RALGAPA2: variants seen among roughly 807,000 people sequenced by gnomAD.
RALGAPA2 encodes the protein ral GTPase-activating protein subunit alpha-2.
In RALGAPA2, 139 loss-of-function variants were observed where a neutral mutation model predicts 230.4. The ratio of observed to expected loss-of-function variants is 0.60; its 90% confidence interval spans 0.53 to 0.69. The LOEUF is 0.69. Ranked by LOEUF, RALGAPA2 falls within the 30% of genes least tolerant of loss-of-function variation. The pLI is 0.00. For synonymous variants in RALGAPA2, 847 were observed against 837.8 expected (o/e 1.01, Z -0.19); for missense variants, 2,163 against 2,276.0 (o/e 0.95, Z 1.01).
At chr20:20,711,022 GCCACACTTCACTCT>G (rs1305229708) in intron 1 of RALGAPA2, among the ~76,000 whole-genome samples, 3 of 152,120 alleles carry the variant, frequency 2.0e-5, no homozygotes, top group Non-Finnish European at 2.9e-5. Flanking sequence ...TACCAAGAAC[GCCACACTTCACTCT>G]CCACACTTCA....
chr20:20,450,577 G>T (rs1336885530), intron 37 of RALGAPA2, among the ~76,000 whole-genome samples: 1 of 152,236 alleles, frequency 6.6e-6, no homozygotes, highest in Admixed American at 6.5e-5. Context: ...ATAGAGTCAG[G>T]TTGGTCTGGG....
intron 36 of RALGAPA2, among the ~76,000 whole-genome samples, chr20:20,482,033 T>C (rs1025519729): frequency 3.0e-4 from 46 of 152,254 alleles, no homozygotes; most frequent in South Asian, 1.2e-3. Flanking sequence ...ACAGAATTTT[T>C]ATTTTCCTAC....
chr20:20,579,350 G>A (rs747193642), intron 20 of RALGAPA2, among the ~76,000 whole-genome samples: 13 of 152,130 alleles, frequency 8.5e-5, no homozygotes, highest in Non-Finnish European at 1.8e-4. Context: ...AATCAGCTGT[G>A]CACATAGCAG....
chr20:20,692,698 C>CT (rs1194841143), intron 1 of RALGAPA2, among the ~76,000 whole-genome samples: 1 of 152,138 alleles, frequency 6.6e-6, no homozygotes, highest in Non-Finnish European at 1.5e-5. Flanking sequence ...AGAAGTGTGC[C>CT]TTTTTTTCCT....
rs1569418180 is a variant in RALGAPA2 at position 20,458,840 on chromosome 20, C to CTATATATATATAGACCTA, written c.5495+13971_5495+13988dup. ...TATAGACCTATATATATATATAGACCTATATATATATAGACCTATATATAT... is the reference window on the plus strand; with the variant it reads ...TATAGACCTATATATATATATAGACCTATATATATATAGACCTATATATATATATAGACCTATATATAT... On this transcript the variant is annotated intron_variant, in intron 37 of 39. Coordinates refer to ENST00000202677, the MANE Select transcript of RALGAPA2 (RefSeq NM_020343.4). Among the ~76,000 whole-genome samples, 116 of 38,960 alleles carry CTATATATATATAGACCTA rather than the reference C, an allele frequency of 3.0e-3. 3 individuals are homozygous for CTATATATATATAGACCTA. The highest frequency in any genetic ancestry group is 8.8e-3 in the African/African-American group (111 of 12,664). The allele number at this position is 38,960 out of a possible 152,430, so 25.6% of individuals were successfully genotyped here.
intron 39 of RALGAPA2, among the ~76,000 whole-genome samples, chr20:20,395,945 T>C (rs528297173): frequency 1.3e-5 from 2 of 152,332 alleles, no homozygotes; most frequent in South Asian, 4.1e-4. Context: ...GCCGTGATCC[T>C]TGTCATTACC....
intron 16 of RALGAPA2, among the ~76,000 whole-genome samples, chr20:20,599,980 A>T (rs1395242917): frequency 2.0e-5 from 3 of 151,440 alleles, no homozygotes; most frequent in African/African-American, 7.3e-5. Context: ...CTCAAAAAAA[A>T]TAAAAAATAA....
At chr20:20,480,359 C>T (rs2061746834) in intron 36 of RALGAPA2, among the ~76,000 whole-genome samples, 1 of 152,236 alleles carries the variant, frequency 6.6e-6, no homozygotes, top group Non-Finnish European at 1.5e-5. Flanking sequence ...CCTACCCACA[C>T]AGCCTCCTGC....
At chr20:20,608,464 T>C (rs1219358060) in intron 14 of RALGAPA2, among the ~76,000 whole-genome samples, 2 of 152,106 alleles carry the variant, frequency 1.3e-5, no homozygotes, top group Non-Finnish European at 2.9e-5. Context: ...TAAAGAAAAT[T>C]TGGTGGCCCA....
intron 23 of RALGAPA2, among the ~76,000 whole-genome samples, chr20:20,555,072 C>T (rs2064043292): frequency 6.6e-6 from 1 of 152,210 alleles, no homozygotes; most frequent in Non-Finnish European, 1.5e-5. Flanking sequence ...ATTTAGGACA[C>T]AGAACCATTT....
At chr20:20,479,562 T>C (rs2061727536) in intron 36 of RALGAPA2, among the ~76,000 whole-genome samples, 1 of 152,180 alleles carries the variant, frequency 6.6e-6, no homozygotes. Flanking sequence ...TAAACAAGTG[T>C]TTAATAAAAT....
chr20:20,547,678 GA>G (rs2063810698), intron 23 of RALGAPA2, among the ~76,000 whole-genome samples: 1 of 152,158 alleles, frequency 6.6e-6, no homozygotes, highest in African/African-American at 2.4e-5. Flanking sequence ...GAATTAGTAA[GA>G]AAACCACAAA....
chr20:20,579,019 G>C (rs543015535), intron 20 of RALGAPA2, among the ~76,000 whole-genome samples: 1 of 152,152 alleles, frequency 6.6e-6, no homozygotes, highest in South Asian at 2.1e-4. Context: ...AAATATAGGC[G>C]ATGACAGAGA....
chr20:20,569,704 T>C (rs1277898243), intron 23 of RALGAPA2, among the ~76,000 whole-genome samples: 3 of 152,166 alleles, frequency 2.0e-5, no homozygotes, highest in African/African-American at 7.2e-5. Context: ...TCATCTCATT[T>C]TACTGTTTCA....
intron 3 of RALGAPA2, among the ~76,000 whole-genome samples, chr20:20,654,282 C>T (rs973587478): frequency 3.9e-5 from 6 of 152,118 alleles, no homozygotes; most frequent in African/African-American, 1.2e-4. Context: ...TCTGCCTCCA[C>T]GGTTCAAGTG....
intron 37 of RALGAPA2, among the ~76,000 whole-genome samples, chr20:20,450,217 A>G (rs569188960): frequency 6.6e-6 from 1 of 152,348 alleles, no homozygotes; most frequent in East Asian, 1.9e-4. Context: ...ACTAACTAAC[A>G]TCAATTAGAT....
In RALGAPA2 at chr20:20,546,812, TATG is replaced by T; in HGVS notation, c.3174_3176del (p.Ile1059del). 6.3e-7 allele frequency: 1 copy of T among 1,597,908 alleles called. No homozygotes were observed. The highest frequency in any genetic ancestry group is 8.5e-7 in the Non-Finnish European group (1 of 1,175,460). The stretch of plus-strand genomic sequence containing the variant: ...AGAAAAAGCGGGGTGGACAGTGCCT[TATG>T]ATCGTATTTAAGATATCCTAAAAGG... On this transcript the variant is annotated inframe_deletion, in exon 24 of 40. Transcript: ENST00000202677.
chr20:20,457,363 T>C (rs1184506426), intron 37 of RALGAPA2, among the ~76,000 whole-genome samples: 1 of 152,258 alleles, frequency 6.6e-6, no homozygotes, highest in Non-Finnish European at 1.5e-5. Flanking sequence ...GGAAATCTTT[T>C]GTCGCACACA....
At chr20:20,531,231 T>G (rs2063358561) in intron 27 of RALGAPA2, among the ~76,000 whole-genome samples, 1 of 152,196 alleles carries the variant, frequency 6.6e-6, no homozygotes, top group African/African-American at 2.4e-5. Context: ...GAGTGCCCAG[T>G]GAATGGCAGT....
Sources: gnomAD v4.1 joint callset for allele counts (sites outside exome capture counted in the v4.1 genomes callset) on GRCh38, gnomAD v4.1.1 for gene constraint, MANE v1.5 for transcripts, NCBI Gene and HGNC (gene_info 2026-07-23, HGNC 2026-07-21) for gene names.